The following CRB3 variants were observed in gnomAD, a reference collection of about 807,000 sequenced individuals.
The protein encoded by CRB3 is protein crumbs homolog 3.
A neutral mutation model predicts 10.4 loss-of-function variants in CRB3; 4 were observed. The observed-to-expected ratio is 0.39, with a 90% CI of 0.19 to 0.88. The LOEUF is 0.88. Ranked by LOEUF, CRB3 falls within the 40% of genes least tolerant of loss-of-function variation. The probability of loss-of-function intolerance (pLI) is 0.39; values close to 1 mark genes in which losing one functional copy is unlikely to be tolerated. For synonymous variants in CRB3, 74 were observed against 73.4 expected, an observed-to-expected ratio of 1.01 and a Z score of -0.04; for missense variants, 154 against 160.2, an observed-to-expected ratio of 0.96 and a Z score of 0.21.
chr19:6,464,805 T>TG lies in CRB3; in HGVS notation c.82+29dup, dbSNP rs760512299. Reference sequence around the variant, plus strand: ...CAAAGTAGGTACCAGCTGAGAGCGCTGGGGGGGAGGGGTCTGGATTCCTGG... The same window carrying TG: ...CAAAGTAGGTACCAGCTGAGAGCGCTGGGGGGGGAGGGGTCTGGATTCCTGG... On this transcript the variant is annotated intron_variant, in intron 2 of 3. Transcript: ENST00000600229. This position sits in a 1 kb window ranked among gnomAD's most constrained non-coding sequence, Gnocchi z 5.3. 2.0e-5 allele frequency: 25 copies of TG among 1,230,308 alleles called. No individual in the cohort carries two copies. Among genetic ancestry groups the TG allele is most frequent in the Non-Finnish European group, 2.4e-5 (23 of 977,312 alleles). The allele number at this position is 1,230,308 out of a possible 1,614,324, so 76.2% of individuals were successfully genotyped here. A position where few individuals can be genotyped will look rare whatever the true frequency, so the allele number is the denominator to read the frequency against.
chr19:6,465,196 T>G, intron 2 of CRB3: 1 of 322,100 alleles, frequency 3.1e-6, no homozygotes. Context: ...CAGTCTTAGA[T>G]TTGTTTTGGG....
At chr19:6,465,316 C>A in intron 2 of CRB3, 1 of 568,718 alleles carries the variant, frequency 1.8e-6, no homozygotes, top group South Asian at 2.1e-5. Flanking sequence ...CTTCTGGACA[C>A]CCTACTGGGC....
chr19:6,467,108 G>T lies in CRB3; in HGVS notation c.*436G>T. On this transcript the variant is annotated 3_prime_UTR_variant, in exon 4 of 4. Coordinates refer to ENST00000600229, the MANE Select transcript of CRB3 (RefSeq NM_139161.5). ...CTCTCTGGGCAGTCAGATCCACCCA[G>T]TGCTTAATAGCAGGGAAGAAGGTAC... is the stretch of plus-strand genomic sequence containing the variant. The T allele has an allele frequency of 2.5e-6, 3 of 1,197,450 alleles. No individual in the cohort carries two copies. The highest frequency in any genetic ancestry group is 2.4e-6 in the Non-Finnish European group (2 of 819,998). The allele number at this position is 1,197,450 out of a possible 1,614,324, so 74.2% of individuals were successfully genotyped here.
chr19:6,465,246 G>A, intron 2 of CRB3: 1 of 398,798 alleles, frequency 2.5e-6, no homozygotes, highest in East Asian at 4.3e-5. Context: ...CCAGGGAAAA[G>A]CTAGGCCCGC....
chr19:6,465,499 A>C, intron 2 of CRB3, 46 bp from the exon 3 acceptor site: 40 of 1,522,696 alleles, frequency 2.6e-5, no homozygotes, highest in Non-Finnish European at 3.1e-5. Flanking sequence ...CGGGGATGGG[A>C]GAGAAAGATG....
intron 2 of CRB3, among the ~76,000 whole-genome samples, 188 bp from the exon 3 acceptor site, chr19:6,465,357 G>C (rs1568389084): frequency 6.6e-6 from 1 of 152,048 alleles, no homozygotes; most frequent in Non-Finnish European, 1.5e-5. Flanking sequence ...GGGTGTCCTG[G>C]GGAGCAAACA....
chr19:6,464,521 C>T lies in CRB3; in HGVS notation c.-94-87C>T, dbSNP rs2092785335. The T allele has an allele frequency of 2.5e-6, 1 of 397,972 alleles. No individual in the cohort carries two copies. Among genetic ancestry groups the T allele is most frequent in the African/African-American group, 2.1e-5 (1 of 48,676 alleles). 24.7% of individuals were successfully genotyped at this position (397,972 alleles called of 1,614,324 possible). A position where few individuals can be genotyped will look rare whatever the true frequency, so the allele number is the denominator to read the frequency against. On this transcript the variant is annotated intron_variant, in intron 1 of 3. Transcript: ENST00000600229. The surrounding 1 kb of genome is among the most constrained non-coding windows in gnomAD (Gnocchi z 5.3). ...GGGGCGGGGCGGGACTCATGGGTGC[C>T]CTGGCGCCAGTTGTCTCTCCTGTGG... is the stretch of plus-strand genomic sequence containing the variant.
chr19:6,466,326 G>A lies in CRB3; in HGVS notation c.157-140G>A. On this transcript the variant is annotated intron_variant, in intron 3 of 3. Coordinates refer to ENST00000600229, the MANE Select transcript of CRB3 (RefSeq NM_139161.5). The surrounding 1 kb of genome is among the most constrained non-coding windows in gnomAD (Gnocchi z 4.9). ...GGGATCCAGGAAGCCCCACTGTGGG[G>A]ATCAGATCACCAAAAGTGGCAGATG... is the stretch of plus-strand genomic sequence containing the variant. 1 of 773,484 alleles carries A rather than the reference G, an allele frequency of 1.3e-6. No homozygotes were observed. The highest frequency in any genetic ancestry group is 2.2e-6 in the Non-Finnish European group (1 of 455,164). The allele number at this position is 773,484 out of a possible 1,614,324, so 47.9% of individuals were successfully genotyped here.
chr19:6,464,454 C>A lies in CRB3; in HGVS notation c.-95+104C>A, dbSNP rs772365948. Reference sequence around the variant, plus strand: ...CCTTCCTTTCCCCAGCCCAGGAACGCGCTCCTGGGAGTTAATCTTTAATCG... The same window carrying A: ...CCTTCCTTTCCCCAGCCCAGGAACGAGCTCCTGGGAGTTAATCTTTAATCG... On this transcript the variant is annotated intron_variant, in intron 1 of 3. Transcript: ENST00000600229. The surrounding 1 kb of genome is among the most constrained non-coding windows in gnomAD (Gnocchi z 5.3). The A allele has an allele frequency of 1.9e-5, 7 of 371,954 alleles. No individual in the cohort carries two copies. The highest frequency in any genetic ancestry group is 2.9e-5 in the Non-Finnish European group (6 of 209,378). The allele number at this position is 371,954 out of a possible 1,614,324, so 23.0% of individuals were successfully genotyped here.
rs2092785848 is a variant in CRB3, at chr19:6,464,625, C to A, written c.-77C>A. ...GTCCCCAGGTGCCCCGTCGCAGGTG[C>A]CCCTGGCCGGAGATGCGGTAGGAGG... On this transcript the variant is annotated 5_prime_UTR_variant, in exon 2 of 4. Transcript: ENST00000600229. This position sits in a 1 kb window ranked among gnomAD's most constrained non-coding sequence, Gnocchi z 5.3. 2.2e-6 allele frequency: 2 copies of A among 922,514 alleles called. No homozygotes were observed. Among genetic ancestry groups the A allele is most frequent in the Admixed American group, 4.3e-5 (1 of 23,308 alleles). The allele number at this position is 922,514 out of a possible 1,614,324, so 57.1% of individuals were successfully genotyped here.
Position 6,466,602 on chromosome 19 carries a change from A to G in CRB3, c.293A>G (p.Glu98Gly). Residue 98 changes from glutamate (E) to glycine (G), a missense_variant, in exon 4 of 4, where the codon GAG (glutamate) becomes GGG (glycine). Coordinates refer to ENST00000600229, the MANE Select transcript of CRB3 (RefSeq NM_139161.5). The surrounding 1 kb of genome is among the most constrained non-coding windows in gnomAD (Gnocchi z 4.9). ...GAGGGCACCTACCGGCCCAGTAGCG[A>G]GGAGCAGGTGGGTGCCCGCGTGCCA... is the stretch of plus-strand genomic sequence containing the variant. ...QTEGTYRPSS[E>G]EQVGARVPPT... The G allele has an allele frequency of 6.2e-7, 1 of 1,607,394 alleles. No individual in the cohort carries two copies. Among genetic ancestry groups the G allele is most frequent in the Non-Finnish European group, 8.5e-7 (1 of 1,179,964 alleles).
intron 2 of CRB3, chr19:6,465,306 C>T: frequency 1.8e-6 from 1 of 548,306 alleles, no homozygotes; most frequent in Non-Finnish European, 3.3e-6. Flanking sequence ...GAGGGGTGGA[C>T]TTCTGGACAC....
chr19:6,465,684 T>G, intron 3 of CRB3, 66 bp downstream of exon 3: 1 of 1,356,084 alleles, frequency 7.4e-7, no homozygotes, highest in Non-Finnish European at 1.1e-6. Context: ...ACATATAGCA[T>G]GTAGAGAGGA....
intron 2 of CRB3, chr19:6,465,245 A>T (rs2092788526): frequency 2.5e-6 from 1 of 392,472 alleles, no homozygotes; most frequent in African/African-American, 2.0e-5. Flanking sequence ...TCCAGGGAAA[A>T]GCTAGGCCCG....
chr19:6,464,935 T>TTA lies in CRB3; in HGVS notation c.82+153_82+154dup. The TTA allele has an allele frequency of 2.4e-6, 1 of 418,372 alleles. No individual in the cohort carries two copies. The allele number at this position is 418,372 out of a possible 1,614,324, so 25.9% of individuals were successfully genotyped here. On this transcript the variant is annotated intron_variant, in intron 2 of 3. Coordinates refer to ENST00000600229, the MANE Select transcript of CRB3 (RefSeq NM_139161.5). This position sits in a 1 kb window ranked among gnomAD's most constrained non-coding sequence, Gnocchi z 5.3. Reference sequence around the variant, plus strand: ...ATACCTTGGGGAGGGGTCTACAGGGTTAGGGCTCGGGGGGATTAAGATTTC... The same window carrying TTA: ...ATACCTTGGGGAGGGGTCTACAGGGTTATAGGGCTCGGGGGGATTAAGATTTC...
In CRB3 at chr19:6,466,804, T is replaced by C. The variant is rs2145163692; in HGVS notation, c.*132T>C. On this transcript the variant is annotated 3_prime_UTR_variant, in exon 4 of 4. Transcript: ENST00000600229. The surrounding 1 kb of genome is among the most constrained non-coding windows in gnomAD (Gnocchi z 4.9). Reference sequence around the variant, plus strand: ...TGTGGGGAGAGGCTGGGGGCACCCATGTGGTGGGCTCTGTGCAGCATGTTG... The same window carrying C: ...TGTGGGGAGAGGCTGGGGGCACCCACGTGGTGGGCTCTGTGCAGCATGTTG... The C allele has an allele frequency of 6.4e-7, 1 of 1,553,644 alleles. No homozygotes were observed. Among genetic ancestry groups the C allele is most frequent in the Non-Finnish European group, 8.7e-7 (1 of 1,150,140 alleles).
chr19:6,463,916 G>A (rs1419938849), upstream of CRB3: 1 of 152,218 alleles, frequency 6.6e-6, no homozygotes. Flanking sequence ...TTGCGCCTGG[G>A]CAGGTATTTT....
rs751806277 is a variant in CRB3, at chr19:6,467,043, C to G, written c.*371C>G. The G allele has an allele frequency of 3.1e-6, 5 of 1,608,082 alleles. No homozygotes were observed. The highest frequency in any genetic ancestry group is 1.3e-5 in the African/African-American group (1 of 74,912). Reference sequence around the variant, plus strand: ...TCTAGGTCCCCTCTCCTGCATCTGTCTCCCTTCATTGCTGTGTGACCTTGG... The same window carrying G: ...TCTAGGTCCCCTCTCCTGCATCTGTGTCCCTTCATTGCTGTGTGACCTTGG... On this transcript the variant is annotated 3_prime_UTR_variant, in exon 4 of 4. Coordinates refer to ENST00000600229, the MANE Select transcript of CRB3 (RefSeq NM_139161.5).
Position 6,467,104 on chromosome 19 carries a change from C to A in CRB3, c.*432C>A. 1 of 1,275,218 alleles carries A rather than the reference C, an allele frequency of 7.8e-7. No homozygotes were observed. The highest frequency in any genetic ancestry group is 1.1e-6 in the Non-Finnish European group (1 of 884,522). The allele number at this position is 1,275,218 out of a possible 1,614,324, so 79.0% of individuals were successfully genotyped here. A position where few individuals can be genotyped will look rare whatever the true frequency, so the allele number is the denominator to read the frequency against. ...TGCCCTCTCTGGGCAGTCAGATCCA[C>A]CCAGTGCTTAATAGCAGGGAAGAAG... On this transcript the variant is annotated 3_prime_UTR_variant, in exon 4 of 4. Coordinates refer to ENST00000600229, the MANE Select transcript of CRB3 (RefSeq NM_139161.5).
Sources: allele counts gnomAD v4.1 joint callset (sites outside exome capture counted in the v4.1 genomes callset), GRCh38; gene constraint gnomAD v4.1.1; non-coding constraint Gnocchi (gnomAD v3.1); transcripts MANE v1.5; gene names NCBI Gene and HGNC (gene_info 2026-07-23, HGNC 2026-07-21).